Variants in EFNA5 observed in about 807,000 individuals in gnomAD.
EFNA5 encodes ephrin-A5.
In EFNA5, 5 loss-of-function variants were observed where a neutral mutation model predicts 22.9. The observed-to-expected ratio is 0.22, with a 90% CI of 0.11 to 0.46. EFNA5 has a LOEUF of 0.46. EFNA5 is among the 20% of genes least tolerant of loss of function. The probability of loss-of-function intolerance (pLI) is 0.99; values close to 1 mark genes in which losing one functional copy is unlikely to be tolerated. For missense variants in EFNA5, 237 were observed against 293.3 expected (o/e 0.81, Z 1.40); for synonymous variants, 113 against 112.2 (o/e 1.01, Z -0.04).
intron 1 of EFNA5, among the ~76,000 whole-genome samples, chr5:107,651,441 C>T (rs1453846068): frequency 6.6e-6 from 1 of 151,968 alleles, no homozygotes; most frequent in Non-Finnish European, 1.5e-5. Context: ...TTCTATTCGC[C>T]CCTAAGTAAA....
chr5:107,383,154 C>T (rs749236974), intron 4 of EFNA5, among the ~76,000 whole-genome samples: 3 of 152,168 alleles, frequency 2.0e-5, no homozygotes, highest in Non-Finnish European at 4.4e-5. Context: ...AGTGCTCTTA[C>T]CATTTTAGCC....
intron 1 of EFNA5, among the ~76,000 whole-genome samples, chr5:107,538,638 T>G (rs1453260813): frequency 6.6e-6 from 1 of 152,206 alleles, no homozygotes; most frequent in Non-Finnish European, 1.5e-5. Context: ...ATCTGACAGT[T>G]TGTGTAGTAT....
At chr5:107,432,661 T>C (rs998655259) in intron 1 of EFNA5, among the ~76,000 whole-genome samples, 8 of 152,228 alleles carry the variant, frequency 5.3e-5, no homozygotes, top group Non-Finnish European at 1.0e-4. Flanking sequence ...CGGCCCTGCC[T>C]GTTTTCACAG....
At chr5:107,497,233 C>T (rs1021101454) in intron 1 of EFNA5, among the ~76,000 whole-genome samples, 3 of 152,176 alleles carry the variant, frequency 2.0e-5, no homozygotes, top group Non-Finnish European at 2.9e-5. Context: ...ACATTTACAT[C>T]TCCTAACTCA....
At chr5:107,436,547 A>G (rs537475277) in intron 1 of EFNA5, among the ~76,000 whole-genome samples, 6 of 152,170 alleles carry the variant, frequency 3.9e-5, no homozygotes, top group Non-Finnish European at 5.9e-5. Context: ...CGTCACTCCC[A>G]CAATGCAAAA....
chr5:107,517,884 G>A (rs377577174), intron 1 of EFNA5, among the ~76,000 whole-genome samples: 4 of 152,140 alleles, frequency 2.6e-5, no homozygotes, highest in Admixed American at 1.3e-4. Flanking sequence ...CTACTCAATT[G>A]TCAGGGTCAA....
At chr5:107,597,853 C>T (rs1379158218) in intron 1 of EFNA5, among the ~76,000 whole-genome samples, 4 of 152,072 alleles carry the variant, frequency 2.6e-5, no homozygotes, top group Non-Finnish European at 5.9e-5. Flanking sequence ...GCTGATAATG[C>T]GCTGATAGAA....
intron 1 of EFNA5, among the ~76,000 whole-genome samples, chr5:107,553,779 A>G (rs1304920550): frequency 6.6e-6 from 1 of 152,160 alleles, no homozygotes; most frequent in Non-Finnish European, 1.5e-5. Flanking sequence ...ACCAAATGAA[A>G]CATATTGAAT....
At chr5:107,482,832 GTCTCTCTCTC>G (rs59574940) in intron 1 of EFNA5, among the ~76,000 whole-genome samples, 86 of 94,060 alleles carry the variant, frequency 9.1e-4, no homozygotes, top group African/African-American at 1.5e-3. Flanking sequence ...CTCTGTCTCT[GTCTCTCTCTC>G]TCTCTCTCTC....
intron 1 of EFNA5, among the ~76,000 whole-genome samples, chr5:107,472,305 T>C (rs1750162816): frequency 6.6e-6 from 1 of 152,224 alleles, no homozygotes; most frequent in African/African-American, 2.4e-5. Context: ...CGTCATCAAA[T>C]ATTTTTATCG....
chr5:107,553,533 C>T lies in EFNA5; in HGVS notation c.125+116956G>A, dbSNP rs747008039. Among the ~76,000 whole-genome samples, 3 of 152,140 alleles carry T rather than the reference C, an allele frequency of 2.0e-5. 1 individual carries two copies. Among genetic ancestry groups the T allele is most frequent in the Admixed American group, 2.0e-4 (3 of 15,280 alleles). ...AGACCATCTCCATTTTACATCTCCCCGAGGTGTAGTTGTTTAAACATTCGG... is the reference window on the plus strand; with the variant it reads ...AGACCATCTCCATTTTACATCTCCCTGAGGTGTAGTTGTTTAAACATTCGG... On this transcript the variant is annotated intron_variant, in intron 1 of 4. Transcript: ENST00000333274.
intron 1 of EFNA5, among the ~76,000 whole-genome samples, chr5:107,540,391 C>T (rs1482190298): frequency 6.6e-6 from 1 of 152,062 alleles, no homozygotes; most frequent in African/African-American, 2.4e-5. Context: ...TATTCTTGCA[C>T]ATATTTAAAA....
chr5:107,395,048 T>TTTTTTTTTTTTTTTTTC (rs1366387830), intron 2 of EFNA5, among the ~76,000 whole-genome samples: 1 of 141,782 alleles, frequency 7.1e-6, no homozygotes, highest in Non-Finnish European at 1.5e-5. Context: ...TTTTTTTTTT[T>TTTTTTTTTTTTTTTTTC]TTTTCCGCGA....
At chr5:107,578,208 C>T (rs1451451108) in intron 1 of EFNA5, among the ~76,000 whole-genome samples, 1 of 152,182 alleles carries the variant, frequency 6.6e-6, no homozygotes, top group Non-Finnish European at 1.5e-5. Context: ...AAGTGTGCCT[C>T]TCCTAGAGAA....
At chr5:107,520,129 C>T (rs250252) in intron 1 of EFNA5, among the ~76,000 whole-genome samples, 1 of 152,138 alleles carries the variant, frequency 6.6e-6, no homozygotes, top group Non-Finnish European at 1.5e-5. Flanking sequence ...AATTCTTCAA[C>T]GGCAAGAGGG....
chr5:107,491,364 T>G (rs1357463322), intron 1 of EFNA5, among the ~76,000 whole-genome samples: 1 of 152,222 alleles, frequency 6.6e-6, no homozygotes, highest in African/African-American at 2.4e-5. Context: ...CAGGCTGAAG[T>G]GCAATGGCGT....
chr5:107,631,155 G>A (rs1050084906), intron 1 of EFNA5, among the ~76,000 whole-genome samples: 7 of 151,912 alleles, frequency 4.6e-5, no homozygotes, highest in Non-Finnish European at 2.9e-5. Context: ...GTAAGTACTA[G>A]GCAATAGGCA....
At chr5:107,476,724 A>AT (rs929723810) in intron 1 of EFNA5, among the ~76,000 whole-genome samples, 1 of 118,952 alleles carries the variant, frequency 8.4e-6, no homozygotes, top group Non-Finnish European at 1.7e-5. Context: ...TAAAATGTTT[A>AT]TTTTTTCTCT....
At chr5:107,457,640 A>G (rs946770239) in intron 1 of EFNA5, among the ~76,000 whole-genome samples, 1 of 152,170 alleles carries the variant, frequency 6.6e-6, no homozygotes, top group African/African-American at 2.4e-5. Context: ...CCCATGTATA[A>G]GGAGGGCCGA....
Sources: allele counts gnomAD v4.1 joint callset (sites outside exome capture counted in the v4.1 genomes callset), GRCh38; gene constraint gnomAD v4.1.1; transcripts MANE v1.5; gene names NCBI Gene and HGNC (gene_info 2026-07-23, HGNC 2026-07-21).